Variants in TSPAN18 observed in about 807,000 individuals in gnomAD.
TSPAN18 encodes tetraspanin 18, also known as tetraspanin-18.
A neutral mutation model predicts 27.3 loss-of-function variants in TSPAN18; 14 were observed. That is an observed-to-expected ratio of 0.51 (90% CI 0.34 to 0.80). TSPAN18 has a LOEUF of 0.80. TSPAN18 is among the 30% of genes least tolerant of loss of function. The pLI is 0.01. For missense variants in TSPAN18, 268 were observed against 323.9 expected, an observed-to-expected ratio of 0.83 and a Z score of 1.32; for synonymous variants, 143 against 136.5, an observed-to-expected ratio of 1.05 and a Z score of -0.33.
chr11:44,803,720 T>TG (rs1254715162), intron 2 of TSPAN18, among the ~76,000 whole-genome samples: 2 of 152,052 alleles, frequency 1.3e-5, no homozygotes, highest in Non-Finnish European at 2.9e-5. Context: ...ATGAATTGGA[T>TG]GGGGCAAGAA....
At chr11:44,910,098 A>G (rs553735636) in intron 5 of TSPAN18, among the ~76,000 whole-genome samples, 199 bp downstream of exon 5, 1 of 152,298 alleles carries the variant, frequency 6.6e-6, no homozygotes, top group East Asian at 1.9e-4. Flanking sequence ...AAACCCTGAG[A>G]CATTCAGCAA....
chr11:44,871,785 AC>A (rs1858203031), intron 3 of TSPAN18, among the ~76,000 whole-genome samples: 1 of 152,146 alleles, frequency 6.6e-6, no homozygotes, highest in South Asian at 2.1e-4. Context: ...ATGCCTGCAC[AC>A]CTGCCTCAGG....
intron 2 of TSPAN18, among the ~76,000 whole-genome samples, chr11:44,780,771 T>A (rs1195486025): frequency 1.3e-5 from 2 of 152,242 alleles, no homozygotes; most frequent in African/African-American, 2.4e-5. Flanking sequence ...TCATGGTTCC[T>A]CACTCCTGGG....
rs182905111 is a variant in TSPAN18, at chr11:44,789,012, G to A, written c.-153+24500G>A. Among the ~76,000 whole-genome samples the A allele has an allele frequency of 3.9e-5, 6 of 152,326 alleles. No individual in the cohort carries two copies. In the East Asian group the frequency reaches 1.2e-3, roughly 29 times the overall value. ...TGTGGAGAAAACCACAAAAAGCAACGCAGGCACGTGTGTTGTCCAGACAGG... is the reference window on the plus strand; with the variant it reads ...TGTGGAGAAAACCACAAAAAGCAACACAGGCACGTGTGTTGTCCAGACAGG... On this transcript the variant is annotated intron_variant, in intron 2 of 9. Transcript: ENST00000520358.
chr11:44,882,585 G>GACACAC (rs199874715), intron 3 of TSPAN18, among the ~76,000 whole-genome samples: 5,174 of 91,012 alleles, frequency 0.057, 106 homozygotes, highest in Middle Eastern at 0.11. Context: ...GTCAGAGAGA[G>GACACAC]AGACACACAC....
intron 2 of TSPAN18, among the ~76,000 whole-genome samples, chr11:44,794,103 C>A (rs966571011): frequency 6.6e-6 from 1 of 152,150 alleles, no homozygotes; most frequent in African/African-American, 2.4e-5. Context: ...AGAAGCAGGG[C>A]CCCTTCCCCT....
chr11:44,882,974 C>T (rs1303028701), intron 3 of TSPAN18, among the ~76,000 whole-genome samples: 1 of 152,226 alleles, frequency 6.6e-6, no homozygotes, highest in Non-Finnish European at 1.5e-5. Flanking sequence ...AGGGCACTTT[C>T]CTGGGTGGAG....
intron 3 of TSPAN18, among the ~76,000 whole-genome samples, chr11:44,884,002 A>G (rs113588833): frequency 0.015 from 2,299 of 152,298 alleles, 68 homozygotes; most frequent in African/African-American, 0.053. Flanking sequence ...ATTAACTCTT[A>G]TTGCCATCAT....
At chr11:44,760,348 G>A (rs1855424413) in intron 1 of TSPAN18, among the ~76,000 whole-genome samples, 1 of 152,230 alleles carries the variant, frequency 6.6e-6, no homozygotes, top group Non-Finnish European at 1.5e-5. Context: ...AGCCCAGCCA[G>A]GGACTGGCAG....
At chr11:44,827,014 G>A (rs1857057247) in intron 2 of TSPAN18, among the ~76,000 whole-genome samples, 1 of 152,222 alleles carries the variant, frequency 6.6e-6, no homozygotes, top group African/African-American at 2.4e-5. Context: ...GCTTCCTGTT[G>A]TGGCCAAACC....
intron 1 of TSPAN18, among the ~76,000 whole-genome samples, chr11:44,739,010 A>T (rs1010329468): frequency 3.9e-5 from 6 of 152,072 alleles, no homozygotes; most frequent in Admixed American, 6.5e-5. Flanking sequence ...GCAGATCCTC[A>T]CAGTCTTCCC....
At chr11:44,856,057 G>A (rs1002280330) in intron 2 of TSPAN18, among the ~76,000 whole-genome samples, 2 of 151,674 alleles carry the variant, frequency 1.3e-5, no homozygotes, top group Admixed American at 6.6e-5. Flanking sequence ...CTAATTTTTT[G>A]TATTTTTAGT....
intron 8 of TSPAN18, among the ~76,000 whole-genome samples, chr11:44,922,874 C>T (rs1408400570): frequency 1.3e-5 from 2 of 152,082 alleles, no homozygotes; most frequent in Non-Finnish European, 2.9e-5. Flanking sequence ...TTTGGGAGGC[C>T]GAGGCGGGCG....
Position 44,801,384 on chromosome 11 carries a change from C to T in TSPAN18, c.-153+36872C>T, listed in dbSNP as rs75642284. On this transcript the variant is annotated intron_variant, in intron 2 of 9. Transcript: ENST00000520358. ...AGGTTCTTTTCTTATCTGTCCCTGT[C>T]TGTCTCTGTCTCTGGAGTGGAGCTT... 2.6e-3 allele frequency among the ~76,000 whole-genome samples: 402 copies of T among 152,324 alleles called. 2 individuals carry two copies. Among genetic ancestry groups the T allele is most frequent in the African/African-American group, 9.2e-3 (384 of 41,564 alleles).
intron 2 of TSPAN18, among the ~76,000 whole-genome samples, chr11:44,858,993 T>C (rs1857808018): frequency 6.6e-6 from 1 of 152,132 alleles, no homozygotes; most frequent in African/African-American, 2.4e-5. Flanking sequence ...GTTCACACCG[T>C]CTGGTGTGAC....
chr11:44,885,447 C>T (rs1427567587), intron 3 of TSPAN18, among the ~76,000 whole-genome samples: 1 of 152,178 alleles, frequency 6.6e-6, no homozygotes, highest in African/African-American at 2.4e-5. Flanking sequence ...TGCCAGCGTC[C>T]TTCCGGGCCT....
chr11:44,916,453 G>A (rs1002503857), intron 5 of TSPAN18, among the ~76,000 whole-genome samples: 1 of 152,158 alleles, frequency 6.6e-6, no homozygotes, highest in South Asian at 2.1e-4. Context: ...CCTGCTCGTG[G>A]CCCACATTCA....
chr11:44,757,205 C>T (rs928402912), intron 1 of TSPAN18, among the ~76,000 whole-genome samples: 4 of 152,070 alleles, frequency 2.6e-5, no homozygotes, highest in Non-Finnish European at 5.9e-5. Context: ...TTTTACATTC[C>T]CACCAACAGT....
chr11:44,745,308 T>C (rs532960338), intron 1 of TSPAN18, among the ~76,000 whole-genome samples: 1 of 152,334 alleles, frequency 6.6e-6, no homozygotes, highest in East Asian at 1.9e-4. Flanking sequence ...GTATAACCAC[T>C]GACAACCTAT....
Sources: gnomAD v4.1 joint callset for allele counts (sites outside exome capture counted in the v4.1 genomes callset) on GRCh38, gnomAD v4.1.1 for gene constraint, MANE v1.5 for transcripts, NCBI Gene and HGNC (gene_info 2026-07-23, HGNC 2026-07-21) for gene names.